SYNJ2: variants seen among roughly 807,000 people sequenced by gnomAD.
The protein encoded by SYNJ2 is synaptojanin 2, also known as polyphosphatidylinositol phosphatase SYNJ2.
Under a neutral mutation model 141.3 loss-of-function variants are expected in SYNJ2, and 116 were observed. That is an observed-to-expected ratio of 0.82 (90% CI 0.71 to 0.96). SYNJ2 has a LOEUF of 0.96. Among genes scored for constraint, SYNJ2 ranks in the 40% least tolerant of loss-of-function variants. The pLI, the probability that SYNJ2 is intolerant of heterozygous loss-of-function variation, is 0.00. For synonymous variants in SYNJ2, 745 were observed against 777.7 expected (o/e 0.96, Z 0.70); for missense variants, 1,873 against 1,934.8 (o/e 0.97, Z 0.60).
At position 158,096,050 on chromosome 6, in the gene SYNJ2, G is replaced by A. The variant is rs1009135769; in HGVS notation, c.4177G>A (p.Asp1393Asn). The change falls in exon 27 of 27, where the codon GAC (aspartate) becomes AAC (asparagine). Residue 1393 changes from aspartate (D) to asparagine (N), a missense_variant. Asp to Asn is a conservative substitution (Grantham distance 23). Coordinates refer to ENST00000355585, the MANE Select transcript of SYNJ2 (RefSeq NM_003898.4). ...FLSTSSATSP[D>N]SDGTKAMKPE... is the part of the protein sequence containing the mutation. ...CAGCACTTCATCTGCTACAAGCCCC[G>A]ACAGCGATGGCACCAAAGCGATGAA... 11 of 1,614,104 alleles carry A rather than the reference G, an allele frequency of 6.8e-6. 1 individual carries two copies. The highest frequency in any genetic ancestry group is 1.6e-4 in the Middle Eastern group (1 of 6,084).
intron 1 of SYNJ2, among the ~76,000 whole-genome samples, chr6:157,997,749 G>T (rs1777690395): frequency 7.6e-6 from 1 of 132,244 alleles, no homozygotes; most frequent in South Asian, 2.5e-4. Context: ...ACTGTTGAAT[G>T]ACGAAGCATT....
intron 23 of SYNJ2, among the ~76,000 whole-genome samples, chr6:158,087,411 T>C (rs763668704): frequency 1.3e-5 from 2 of 152,194 alleles, no homozygotes; most frequent in Non-Finnish European, 2.9e-5. Context: ...TGGTCACCCC[T>C]CTGCGCTCCG....
intron 5 of SYNJ2, among the ~76,000 whole-genome samples, chr6:158,045,203 G>A (rs923582854): frequency 2.0e-5 from 3 of 149,326 alleles, no homozygotes; most frequent in Non-Finnish European, 4.4e-5. Flanking sequence ...TGCCCCCCGA[G>A]TTCAAGCCGT....
In SYNJ2 at chr6:158,062,153, C is replaced by T. The variant is rs565304527; in HGVS notation, c.1116C>T (p.Asn372=). ...TCGATGTGTTCACAAAGGGGGAGAA[C>T]GTCAGTCCACGGTGAGGCTCGCTGC... is the stretch of plus-strand genomic sequence containing the variant. ...EDFDVFTKGE[N]VSPRFQKGTL... The change falls in exon 8 of 27, where the codon AAC becomes AAT. Residue 372 remains asparagine (N), a synonymous_variant. Coordinates refer to ENST00000355585, the MANE Select transcript of SYNJ2 (RefSeq NM_003898.4). 12 of 1,613,354 alleles carry T rather than the reference C, an allele frequency of 7.4e-6. No individual in the cohort carries two copies. Among genetic ancestry groups the T allele is most frequent in the East Asian group, 4.5e-5 (2 of 44,848 alleles).
chr6:157,986,083 T>C (rs1777192134), intron 1 of SYNJ2, among the ~76,000 whole-genome samples: 1 of 152,158 alleles, frequency 6.6e-6, no homozygotes, highest in Admixed American at 6.5e-5. Flanking sequence ...GGTCACGGAC[T>C]GGAATTTTGA....
At position 158,098,857 on chromosome 6, in the gene SYNJ2, T is replaced by A. The variant is rs1583543631; in HGVS notation, c.*2493T>A. Reference sequence around the variant, plus strand: ...AAGCCTAGTCCCTTTTACATCACCATCTTCTCAGACTTCTTGCCTATTCTT... The same window carrying A: ...AAGCCTAGTCCCTTTTACATCACCAACTTCTCAGACTTCTTGCCTATTCTT... On this transcript the variant is annotated 3_prime_UTR_variant, in exon 27 of 27. Transcript: ENST00000355585. The A allele has an allele frequency of 6.6e-6, 1 of 152,248 alleles. No homozygotes were observed. Among genetic ancestry groups the A allele is most frequent in the East Asian group, 1.9e-4 (1 of 5,202 alleles). 9.4% of individuals were successfully genotyped at this position (152,248 alleles called of 1,614,324 possible).
Position 158,017,208 on chromosome 6 carries a change from A to C in SYNJ2, c.132A>C (p.Pro44=), listed in dbSNP as rs760009980. The C allele has an allele frequency of 6.2e-6, 10 of 1,612,952 alleles. No homozygotes were observed. Among genetic ancestry groups the C allele is most frequent in the Non-Finnish European group, 8.5e-6 (10 of 1,179,678 alleles). The change falls in exon 2 of 27, where the codon CCA becomes CCC. Residue 44 remains proline (P), a synonymous_variant. Transcript: ENST00000355585. ...TGTGATGTGTTTCTTCCCCAGCTCC[A>C]GAAGAAAAGGAAGTCATTAAAGGAC... ...FEAGTVATLA[P]EEKEVIKGQY... is the part of the protein sequence containing the mutation.
At chr6:158,029,815 T>G (rs1362499052) in intron 3 of SYNJ2, among the ~76,000 whole-genome samples, 2 of 152,142 alleles carry the variant, frequency 1.3e-5, no homozygotes, top group Non-Finnish European at 2.9e-5. Flanking sequence ...TATAAAAACC[T>G]TTATAATAAT....
In SYNJ2 at chr6:158,043,031, C is replaced by T. The variant is rs1046856342; in HGVS notation, c.712-285C>T. On this transcript the variant is annotated intron_variant, in intron 4 of 26. Coordinates refer to ENST00000355585, the MANE Select transcript of SYNJ2 (RefSeq NM_003898.4). This position sits in a 1 kb window ranked among gnomAD's most constrained non-coding sequence, Gnocchi z 4.0. The stretch of plus-strand genomic sequence containing the variant: ...GCTGTTCCTGGGATTTTCAGGGTGA[C>T]GATAAGGTTGTGCCCTAGAAGTGTG... Among the ~76,000 whole-genome samples, 18 of 152,282 alleles carry T rather than the reference C, an allele frequency of 1.2e-4. No individual in the cohort carries two copies. Among genetic ancestry groups the T allele is most frequent in the African/African-American group, 4.1e-4 (17 of 41,556 alleles).
chr6:158,008,697 G>A (rs980414573), intron 1 of SYNJ2, among the ~76,000 whole-genome samples: 3 of 152,192 alleles, frequency 2.0e-5, no homozygotes, highest in African/African-American at 7.2e-5. Context: ...GTGTATGTGT[G>A]TCTGTCTGTC....
intron 2 of SYNJ2, among the ~76,000 whole-genome samples, chr6:158,020,741 C>T (rs2128330103): frequency 6.6e-6 from 1 of 152,374 alleles, no homozygotes; most frequent in East Asian, 1.9e-4. Context: ...CGAAGACAAC[C>T]AGCTGAGTCA....
At chr6:158,093,137 C>G in intron 26 of SYNJ2, 33 bp downstream of exon 26, 1 of 1,594,620 alleles carries the variant, frequency 6.3e-7, no homozygotes. Flanking sequence ...CCTCTTACTC[C>G]TAAGTTGCTC....
chr6:158,024,713 C>T (rs1278989992), intron 2 of SYNJ2, among the ~76,000 whole-genome samples: 1 of 152,142 alleles, frequency 6.6e-6, no homozygotes, highest in African/African-American at 2.4e-5. Flanking sequence ...GTGATCAGAA[C>T]AGGACGTAGA....
chr6:158,076,915 T>G (rs1782333875), intron 17 of SYNJ2, 133 bp downstream of exon 17: 1 of 1,162,572 alleles, frequency 8.6e-7, no homozygotes. Flanking sequence ...GACACAAAAG[T>G]CATCCCAGAC....
intron 3 of SYNJ2, chr6:158,030,446 A>T (rs752919584): frequency 3.3e-5 from 5 of 152,550 alleles, no homozygotes; most frequent in Non-Finnish European, 7.3e-5. Flanking sequence ...GGTGCTTTGG[A>T]TTCCCCAGAA....
chr6:158,086,765 G>A (rs982250456), intron 22 of SYNJ2, 90 bp from the exon 23 acceptor site: 1 of 1,339,992 alleles, frequency 7.5e-7, no homozygotes, highest in South Asian at 1.4e-5. Flanking sequence ...AGGTCCCCCT[G>A]CCACAGTCGG....
chr6:158,017,391 C>A, intron 2 of SYNJ2, 101 bp downstream of exon 2: 65 of 1,055,658 alleles, frequency 6.2e-5, no homozygotes, highest in Non-Finnish European at 7.2e-5. Context: ...TTTGACCGCT[C>A]TTCTCTCTCT....
chr6:158,015,787 T>G (rs1778431097), intron 1 of SYNJ2, among the ~76,000 whole-genome samples: 1 of 152,226 alleles, frequency 6.6e-6, no homozygotes, highest in African/African-American at 2.4e-5. Flanking sequence ...TTTTAAAAAT[T>G]TTGATAACTA....
chr6:158,043,598 AAC>A lies in SYNJ2; in HGVS notation c.795+203_795+204del, dbSNP rs1313913069. 6.6e-6 allele frequency among the ~76,000 whole-genome samples: 1 copy of A among 152,200 alleles called. No individual in the cohort carries two copies. The highest frequency in any genetic ancestry group is 2.4e-5 in the African/African-American group (1 of 41,444). ...TATGCATGCGTGCGTGTGTGTAGAA[AAC>A]ACAGACACCACTTTGTTGTTTCTGG... On this transcript the variant is annotated intron_variant, in intron 5 of 26. Transcript: ENST00000355585. The surrounding 1 kb of genome is among the most constrained non-coding windows in gnomAD (Gnocchi z 4.0).
Sources: gnomAD v4.1 joint callset for allele counts (sites outside exome capture counted in the v4.1 genomes callset) on GRCh38, gnomAD v4.1.1 for gene constraint, Gnocchi (gnomAD v3.1) non-coding constraint, MANE v1.5 for transcripts, NCBI Gene and HGNC (gene_info 2026-07-23, HGNC 2026-07-21) for gene names.